Variants in SNRPN observed in about 807,000 individuals in gnomAD.
SNRPN encodes the protein small nuclear ribonucleoprotein polypeptide N.
In SNRPN, 7 loss-of-function variants were observed where a neutral mutation model predicts 25.2. The observed-to-expected ratio is 0.28, with a 90% CI of 0.16 to 0.52. The LOEUF (loss-of-function observed/expected upper bound fraction) is 0.52, where lower values mean the gene tolerates loss of function less well. Ranked by LOEUF, SNRPN falls within the 20% of genes least tolerant of loss-of-function variation. The pLI is 0.96. For synonymous variants in SNRPN, 124 were observed against 110.6 expected (o/e 1.12, Z -0.76); for missense variants, 196 against 322.5 (o/e 0.61, Z 3.00).
At chr15:24,938,390 A>G (rs905505791) in intron 3 of SNRPN, among the ~76,000 whole-genome samples, 5 of 152,122 alleles carry the variant, frequency 3.3e-5, no homozygotes, top group Non-Finnish European at 7.3e-5. Flanking sequence ...GGCCTCCCAA[A>G]GTGCTGGTAT....
intron 1 of SNRPN, among the ~76,000 whole-genome samples, chr15:24,857,197 C>G (rs1459338253): frequency 5.4e-5 from 8 of 148,198 alleles, no homozygotes; most frequent in African/African-American, 7.7e-5. Flanking sequence ...CATTGCGACT[C>G]CCATTCTAAA....
intron 3 of SNRPN, among the ~76,000 whole-genome samples, chr15:24,934,390 GT>G (rs149335036): frequency 0.26 from 39,146 of 152,048 alleles, 5,809 homozygotes; most frequent in South Asian, 0.42. Context: ...CATAAGTGAA[GT>G]TTTATTGGAA....
intron 2 of SNRPN, among the ~76,000 whole-genome samples, chr15:24,965,538 A>G (rs1467144306): frequency 6.6e-6 from 1 of 152,158 alleles, no homozygotes; most frequent in Non-Finnish European, 1.5e-5. Flanking sequence ...CCATCTCAAA[A>G]TAAAGTAAAA....
At chr15:24,846,434 TG>T (rs1228914617) in intron 2 of SNRPN, among the ~76,000 whole-genome samples, 1 of 152,138 alleles carries the variant, frequency 6.6e-6, no homozygotes, top group Non-Finnish European at 1.5e-5. Flanking sequence ...CTCCTTTATT[TG>T]AGGCATTTGT....
chr15:24,946,138 T>TA, intron 3 of SNRPN, among the ~76,000 whole-genome samples: 1 of 152,332 alleles, frequency 6.6e-6, no homozygotes, highest in Admixed American at 6.5e-5. Flanking sequence ...GAGCTGGCAG[T>TA]ACTGGAATCA....
At chr15:24,832,309 G>A (rs2050600558) in intron 2 of SNRPN, among the ~76,000 whole-genome samples, 1 of 152,002 alleles carries the variant, frequency 6.6e-6, no homozygotes, top group Admixed American at 6.5e-5. Context: ...GATCTACTCT[G>A]ACAATGTGTC....
At chr15:24,972,681 A>C (rs2076575444) in intron 3 of SNRPN, among the ~76,000 whole-genome samples, 1 of 151,674 alleles carries the variant, frequency 6.6e-6, no homozygotes, top group Admixed American at 6.6e-5. Context: ...TAGTATGATA[A>C]GCACTTCAAG....
At chr15:24,827,866 C>CA (rs5811361) in intron 1 of SNRPN, among the ~76,000 whole-genome samples, 103 of 135,178 alleles carry the variant, frequency 7.6e-4, no homozygotes, top group African/African-American at 2.4e-3. Context: ...GACTCCATCT[C>CA]AAAAAAAAAA....
chr15:24,854,139 A>G (rs965327754), upstream of SNRPN, among the ~76,000 whole-genome samples: 1 of 152,128 alleles, frequency 6.6e-6, no homozygotes, highest in African/African-American at 2.4e-5. Flanking sequence ...TGGCTACTAT[A>G]TCATTTTCGT....
At position 24,967,810 on chromosome 15, in the gene SNRPN, A is replaced by G. The variant is rs986969695; in HGVS notation, c.-294-122A>G. The G allele has an allele frequency of 3.4e-3, 554 of 164,664 alleles. 1 individual carries two copies. The highest frequency in any genetic ancestry group is 4.6e-3 in the Admixed American group (30 of 6,498). 10.2% of individuals were successfully genotyped at this position (164,664 alleles called of 1,614,324 possible). A position where few individuals can be genotyped will look rare whatever the true frequency, so the allele number is the denominator to read the frequency against. On this transcript the variant is annotated intron_variant, in intron 2 of 9. Coordinates refer to ENST00000390687, the MANE Select transcript of SNRPN (RefSeq NM_003097.6). ...GCAACAGAATGAGACCCTGTCTGGA[A>G]AAAAAAAAAAAAAAAAAAGGAATAT... is the stretch of plus-strand genomic sequence containing the variant.
In SNRPN at chr15:24,956,715, G is replaced by C. The variant is rs144707247; in HGVS notation, c.-391+1653G>C. 8.1e-4 allele frequency among the ~76,000 whole-genome samples: 123 copies of C among 152,320 alleles called. 1 individual carries two copies. In the East Asian group the frequency reaches 0.023, roughly 28 times the overall value. On this transcript the variant is annotated intron_variant, in intron 1 of 9. Coordinates refer to ENST00000390687, the MANE Select transcript of SNRPN (RefSeq NM_003097.6). ...GGCGCAGTAGAGGGGGGAGGAGGGA[G>C]ATGGGTTGGCGCAGGCTCCGCCTAG...
chr15:24,853,210 C>T (rs2053045613), upstream of SNRPN, among the ~76,000 whole-genome samples: 1 of 152,180 alleles, frequency 6.6e-6, no homozygotes, highest in African/African-American at 2.4e-5. Context: ...TTATCATTCA[C>T]TGCTATCCAT....
intron 3 of SNRPN, among the ~76,000 whole-genome samples, chr15:24,938,273 C>G (rs1422132470): frequency 6.6e-6 from 1 of 152,166 alleles, no homozygotes; most frequent in East Asian, 1.9e-4. Flanking sequence ...ATTACAGGCT[C>G]AAACCAACAC....
intron 2 of SNRPN, among the ~76,000 whole-genome samples, chr15:24,889,590 C>T (rs1281940562): frequency 1.3e-5 from 2 of 151,960 alleles, no homozygotes; most frequent in South Asian, 4.2e-4. Context: ...CAGGCATGAG[C>T]CACCGTGCCC....
intron 2 of SNRPN, among the ~76,000 whole-genome samples, chr15:24,892,288 CAG>C (rs1422401547): frequency 6.6e-6 from 1 of 152,050 alleles, no homozygotes; most frequent in Non-Finnish European, 1.5e-5. Context: ...AGAAGTCTGA[CAG>C]GGGAGGAAGA....
intron 1 of SNRPN, among the ~76,000 whole-genome samples, chr15:24,958,134 C>A (rs1187307575): frequency 6.6e-6 from 1 of 152,176 alleles, no homozygotes; most frequent in African/African-American, 2.4e-5. Flanking sequence ...GAAATGTTTT[C>A]CACATTTATA....
At chr15:24,840,024 C>G (rs995265236) in intron 2 of SNRPN, among the ~76,000 whole-genome samples, 1 of 152,226 alleles carries the variant, frequency 6.6e-6, no homozygotes, top group East Asian at 1.9e-4. Context: ...GGTGCCCAGT[C>G]CAAAACAGTA....
chr15:24,911,253 G>A (rs2059196575), intron 2 of SNRPN: 2 of 425,080 alleles, frequency 4.7e-6, no homozygotes, highest in East Asian at 3.7e-5. Context: ...AAGTTCAGGA[G>A]ACAAAACCAA....
At chr15:24,960,629 G>C (rs1410139889) in intron 1 of SNRPN, among the ~76,000 whole-genome samples, 1 of 152,110 alleles carries the variant, frequency 6.6e-6, no homozygotes, top group Non-Finnish European at 1.5e-5. Context: ...GCATTTTTTA[G>C]TGACTAATGT....
Sources: gnomAD v4.1 joint callset for allele counts (sites outside exome capture counted in the v4.1 genomes callset) on GRCh38, gnomAD v4.1.1 for gene constraint, MANE v1.5 for transcripts, NCBI Gene and HGNC (gene_info 2026-07-23, HGNC 2026-07-21) for gene names.